ATM: variants seen among roughly 807,000 people sequenced by gnomAD.
ATM encodes serine-protein kinase ATM.
In ATM, 308 loss-of-function variants were observed where a neutral mutation model predicts 387.0. That is an observed-to-expected ratio of 0.80 (90% CI 0.73 to 0.87). The LOEUF is 0.87. Ranked by LOEUF, ATM falls within the 40% of genes least tolerant of loss-of-function variation. ATM has a pLI of 0.00. For synonymous variants in ATM, 1,156 were observed against 1,187.3 expected, an observed-to-expected ratio of 0.97 and a Z score of 0.54; for missense variants, 3,312 against 3,560.9, an observed-to-expected ratio of 0.93 and a Z score of 1.78.
intron 16 of ATM, among the ~76,000 whole-genome samples, chr11:108,263,076 C>T (rs1186725834): frequency 1.3e-5 from 2 of 151,688 alleles, no homozygotes; most frequent in East Asian, 1.9e-4. Context: ...GACAGATCAA[C>T]GAGACAGAAA....
Position 108,369,062 on chromosome 11 carries a change from T to C in ATM, c.*3554T>C, listed in dbSNP as rs1343901235. On this transcript the variant is annotated 3_prime_UTR_variant, in exon 63 of 63. Coordinates refer to ENST00000675843, the MANE Select transcript of ATM (RefSeq NM_000051.4). The stretch of plus-strand genomic sequence containing the variant: ...TGTATTACTTTACTGTTACCTGAAT[T>C]TATTATAAAGTGTTTTTGAATAAAT... The C allele has an allele frequency of 5.7e-6, 1 of 174,702 alleles. No homozygotes were observed. Among genetic ancestry groups the C allele is most frequent in the African/African-American group, 2.4e-5 (1 of 42,178 alleles). 10.8% of individuals were successfully genotyped at this position (174,702 alleles called of 1,614,324 possible).
intron 45 of ATM, among the ~76,000 whole-genome samples, chr11:108,324,898 A>G (rs1003258686): frequency 2.0e-5 from 3 of 152,188 alleles, no homozygotes; most frequent in Non-Finnish European, 2.9e-5. Context: ...AGTCATCCCC[A>G]GTAGGGGGTC....
At position 108,367,870 on chromosome 11, in the gene ATM, T is replaced by C. The variant is rs185852664; in HGVS notation, c.*2362T>C. On this transcript the variant is annotated 3_prime_UTR_variant, in exon 63 of 63. Transcript: ENST00000675843. ...ACAAGCTGCCTAAATGAATATTTGG[T>C]ATATATTGGTAGTTTTATTACTATA... 60 of 205,650 alleles carry C rather than the reference T, an allele frequency of 2.9e-4. No homozygotes were observed. Among genetic ancestry groups the C allele is most frequent in the African/African-American group, 1.3e-3 (55 of 43,918 alleles). The allele number at this position is 205,650 out of a possible 1,614,324, so 12.7% of individuals were successfully genotyped here.
At position 108,366,659 on chromosome 11, in the gene ATM, T is replaced by C. The variant is rs1162715307; in HGVS notation, c.*1151T>C. 4.3e-6 allele frequency: 1 copy of C among 231,332 alleles called. No homozygotes were observed. 14.3% of individuals were successfully genotyped at this position (231,332 alleles called of 1,614,324 possible). On this transcript the variant is annotated 3_prime_UTR_variant, in exon 63 of 63. Coordinates refer to ENST00000675843, the MANE Select transcript of ATM (RefSeq NM_000051.4). ...CATTCTTATTTTAATTTCTTGGCTT[T>C]AGGGTTTCCATACCTGAAGTGTAGC... is the stretch of plus-strand genomic sequence containing the variant.
chr11:108,288,946 A>G (rs1326756636), intron 27 of ATM, 31 bp from the exon 28 acceptor site: 1 of 1,613,210 alleles, frequency 6.2e-7, no homozygotes. Context: ...TTTTAAAACG[A>G]TGACTGTATT....
At chr11:108,318,086 G>T (rs1440235655) in intron 43 of ATM, among the ~76,000 whole-genome samples, 1 of 152,092 alleles carries the variant, frequency 6.6e-6, no homozygotes, top group African/African-American at 2.4e-5. Context: ...ATACGGCCAG[G>T]CACGGTGGCT....
At position 108,304,993 on chromosome 11, in the gene ATM, TA is replaced by T. The variant is rs541756332; in HGVS notation, c.5674+145del. On this transcript the variant is annotated intron_variant, in intron 37 of 62. Transcript: ENST00000675843. Reference sequence around the variant, plus strand: ...TGTTTCTTCATCTATGGAATGGAGATAAAAGTTGCCAACAGTTGCAACAAGT... The same window carrying T: ...TGTTTCTTCATCTATGGAATGGAGATAAAGTTGCCAACAGTTGCAACAAGT... The T allele has an allele frequency of 6.4e-4, 680 of 1,066,974 alleles. 8 individuals carry two copies. The African/African-American group carries it at 9.1e-3, about 14-fold the overall frequency. 66.1% of individuals were successfully genotyped at this position (1,066,974 alleles called of 1,614,324 possible). A position where few individuals can be genotyped will look rare whatever the true frequency, so the allele number is the denominator to read the frequency against.
rs150757822 is a variant in ATM at position 108,312,467 on chromosome 11, A to G, written c.5975A>G (p.Lys1992Arg). ...ACAACTATTTCTAGCTTGAGTGAAA[A>G]AAGTAAAGAAGAAACTGGAATAAGT... ...QSTTISSLSEKSKEETGISLQ... is the reference protein window; with the variant it reads ...QSTTISSLSERSKEETGISLQ... The change falls in exon 40 of 63, where the codon AAA becomes AGA. Residue 1992 changes from lysine (K) to arginine (R), a missense_variant. Around this residue, in one of 4 missense-constraint regions of ATM, gnomAD observed 1,405 missense variants for 1,604.4 expected, o/e 0.88. Transcript: ENST00000675843. 1.3e-6 allele frequency: 2 copies of G among 1,590,628 alleles called. No individual in the cohort carries two copies. Among genetic ancestry groups the G allele is most frequent in the Admixed American group, 3.3e-5 (2 of 59,976 alleles).
rs2091317680 is a variant in ATM, at chr11:108,366,151, AT to A, written c.*650del. The A allele has an allele frequency of 1.0e-5, 2 of 193,546 alleles. No individual in the cohort carries two copies. Among genetic ancestry groups the A allele is most frequent in the Admixed American group, 6.1e-5 (1 of 16,484 alleles). 12.0% of individuals were successfully genotyped at this position (193,546 alleles called of 1,614,324 possible). A position where few individuals can be genotyped will look rare whatever the true frequency, so the allele number is the denominator to read the frequency against. ...CAAAGACACAGTTAGTGTAGTTACT[AT>A]TTTTTTAAGTGTGTATTAAAACTTC... On this transcript the variant is annotated 3_prime_UTR_variant, in exon 63 of 63. Transcript: ENST00000675843.
intron 10 of ATM, 96 bp from the exon 11 acceptor site, chr11:108,251,741 C>T: frequency 6.8e-6 from 8 of 1,184,742 alleles, no homozygotes; most frequent in Non-Finnish European, 1.0e-5. Context: ...ATTTAGTCAC[C>T]TTAACTAAAT....
At chr11:108,324,948 G>A (rs1203025430) in intron 45 of ATM, among the ~76,000 whole-genome samples, 3 of 152,160 alleles carry the variant, frequency 2.0e-5, no homozygotes, top group Non-Finnish European at 2.9e-5. Flanking sequence ...ACTACAGGCA[G>A]TATTGAAGCA....
intron 11 of ATM, 88 bp downstream of exon 11, chr11:108,252,119 T>TATA (rs2080187365): frequency 8.6e-7 from 1 of 1,168,158 alleles, no homozygotes; most frequent in Admixed American, 2.0e-5. Context: ...GGCTTTATTT[T>TATA]ATAATAATAA....
intron 24 of ATM, among the ~76,000 whole-genome samples, chr11:108,281,692 A>T (rs2082242718): frequency 6.6e-6 from 1 of 152,214 alleles, no homozygotes; most frequent in South Asian, 2.1e-4. Context: ...TGGTTTAGGA[A>T]GTTCCAGACC....
At chr11:108,243,200 C>T (rs1049633177) in intron 5 of ATM, among the ~76,000 whole-genome samples, 2 of 152,144 alleles carry the variant, frequency 1.3e-5, no homozygotes, top group African/African-American at 4.8e-5. Flanking sequence ...GTTTGGGTGA[C>T]AGAGTAAGAC....
At chr11:108,259,394 C>T (rs1264854548) in intron 16 of ATM, among the ~76,000 whole-genome samples, 1 of 152,078 alleles carries the variant, frequency 6.6e-6, no homozygotes, top group African/African-American at 2.4e-5. Context: ...GAGGCTGAGG[C>T]AGAATTGCTT....
At chr11:108,296,639 A>G (rs1341602562) in intron 32 of ATM, among the ~76,000 whole-genome samples, 2 of 151,998 alleles carry the variant, frequency 1.3e-5, no homozygotes, top group African/African-American at 4.8e-5. Context: ...AGAGTTTCTA[A>G]TACATTTGAG....
At chr11:108,278,933 A>T (rs1478193704) in intron 22 of ATM, among the ~76,000 whole-genome samples, 1 of 152,226 alleles carries the variant, frequency 6.6e-6, no homozygotes, top group Non-Finnish European at 1.5e-5. Flanking sequence ...AACTAGAAGA[A>T]TCAGAGGAAC....
chr11:108,351,908 G>A lies in ATM; in HGVS notation c.8672-1858G>A, dbSNP rs539482749. 1.3e-4 allele frequency among the ~76,000 whole-genome samples: 20 copies of A among 152,198 alleles called. No homozygotes were observed. In the South Asian group the frequency reaches 3.7e-3, roughly 28 times the overall value. ...TTCTGACTCACTCCTTGGTGTCAGT[G>A]GACATATCCGGGGAACCTGGACTTT... On this transcript the variant is annotated intron_variant, in intron 59 of 62. Coordinates refer to ENST00000675843, the MANE Select transcript of ATM (RefSeq NM_000051.4).
intron 56 of ATM, among the ~76,000 whole-genome samples, 167 bp from the exon 57 acceptor site, chr11:108,343,055 A>G (rs1350836910): frequency 1.3e-5 from 2 of 152,160 alleles, no homozygotes; most frequent in Admixed American, 6.5e-5. Flanking sequence ...TTTGAGCTTA[A>G]GTTTATTTCC....
Sources: allele counts gnomAD v4.1 joint callset (sites outside exome capture counted in the v4.1 genomes callset), GRCh38; gene constraint gnomAD v4.1.1; regional missense constraint gnomAD v4.1.1; transcripts MANE v1.5; gene names NCBI Gene and HGNC (gene_info 2026-07-23, HGNC 2026-07-21).